CADPS2: variants seen among roughly 807,000 people sequenced by gnomAD.
CADPS2 encodes the protein calcium dependent secretion activator 2.
In CADPS2, 93 loss-of-function variants were observed where a neutral mutation model predicts 172.5. That is an observed-to-expected ratio of 0.54 (90% CI 0.46 to 0.64). CADPS2 has a LOEUF of 0.64. Ranked by LOEUF, CADPS2 falls within the 30% of genes least tolerant of loss-of-function variation. The pLI is 0.00. For missense variants in CADPS2, 1,420 were observed against 1,565.9 expected, an observed-to-expected ratio of 0.91 and a Z score of 1.57; for synonymous variants, 546 against 555.2, an observed-to-expected ratio of 0.98 and a Z score of 0.23.
chr7:122,554,901 CATA>C (rs1452156374), intron 7 of CADPS2, among the ~76,000 whole-genome samples: 2 of 152,078 alleles, frequency 1.3e-5, no homozygotes, highest in Admixed American at 6.6e-5. Flanking sequence ...CACATTATCA[CATA>C]ATGAGTTTTC....
intron 4 of CADPS2, among the ~76,000 whole-genome samples, chr7:122,626,162 G>A (rs1463890927): frequency 6.7e-6 from 1 of 149,704 alleles, no homozygotes; most frequent in African/African-American, 2.5e-5. Context: ...GGACTTTGCA[G>A]GCCATTTTAG....
chr7:122,503,404 T>G (rs1356421310), intron 9 of CADPS2, among the ~76,000 whole-genome samples: 1 of 151,648 alleles, frequency 6.6e-6, no homozygotes, highest in Non-Finnish European at 1.5e-5. Context: ...AACACGTTAC[T>G]GAATGATTTA....
At chr7:122,550,845 T>G (rs1304120015) in intron 8 of CADPS2, among the ~76,000 whole-genome samples, 5 of 152,152 alleles carry the variant, frequency 3.3e-5, no homozygotes, top group African/African-American at 1.2e-4. Context: ...TAGCTGGTAA[T>G]TTGTTCAATA....
chr7:122,544,886 T>C (rs186907391), intron 8 of CADPS2, among the ~76,000 whole-genome samples: 121 of 152,264 alleles, frequency 7.9e-4, no homozygotes, highest in African/African-American at 2.9e-3. Context: ...AACTTTGTAA[T>C]TCACTTATCT....
intron 3 of CADPS2, among the ~76,000 whole-genome samples, chr7:122,646,180 G>A (rs1415040612): frequency 6.6e-6 from 1 of 151,916 alleles, no homozygotes; most frequent in East Asian, 1.9e-4. Flanking sequence ...TATCTCATTT[G>A]AACCTCAGAG....
chr7:122,629,228 T>C lies in CADPS2; in HGVS notation c.867+20A>G, dbSNP rs765528172. 80 of 1,586,476 alleles carry C rather than the reference T, an allele frequency of 5.0e-5. No individual in the cohort carries two copies. Among genetic ancestry groups the C allele is most frequent in the Non-Finnish European group, 6.5e-5 (76 of 1,161,332 alleles). ...GTAAAGAAAGGAATGTCATACAGTA[T>C]GTCCAAGTTAATAATTTACCTTTGC... On this transcript the variant is annotated intron_variant, in intron 4 of 29. Transcript: ENST00000449022.
intron 1 of CADPS2, among the ~76,000 whole-genome samples, chr7:122,853,589 A>G (rs556744268): frequency 2.0e-5 from 3 of 152,278 alleles, no homozygotes; most frequent in South Asian, 4.1e-4. Flanking sequence ...AAATCCCCCT[A>G]TTGAACCACT....
chr7:122,495,668 AAGG>A (rs2130050147), intron 9 of CADPS2, among the ~76,000 whole-genome samples: 1 of 152,224 alleles, frequency 6.6e-6, no homozygotes, highest in Non-Finnish European at 1.5e-5. Flanking sequence ...GTACCACTTC[AAGG>A]AGTGGAACTG....
intron 2 of CADPS2, among the ~76,000 whole-genome samples, chr7:122,731,935 T>C (rs1281662758): frequency 6.6e-6 from 1 of 151,778 alleles, no homozygotes; most frequent in Non-Finnish European, 1.5e-5. Context: ...TTCACAAACA[T>C]ACTTCTTTAT....
intron 8 of CADPS2, among the ~76,000 whole-genome samples, chr7:122,528,608 A>C (rs1179628057): frequency 2.0e-5 from 3 of 152,106 alleles, no homozygotes; most frequent in African/African-American, 7.2e-5. Context: ...GATTTATATA[A>C]TGTTTCTTTT....
At chr7:122,834,447 C>T (rs1031482489) in intron 1 of CADPS2, among the ~76,000 whole-genome samples, 3 of 152,078 alleles carry the variant, frequency 2.0e-5, no homozygotes, top group South Asian at 2.1e-4. Context: ...TGCAGGACAG[C>T]GGGTGCAGCC....
intron 2 of CADPS2, among the ~76,000 whole-genome samples, chr7:122,685,281 G>T (rs1414164608): frequency 2.6e-5 from 4 of 152,186 alleles, no homozygotes; most frequent in East Asian, 3.9e-4. Flanking sequence ...CTACAGGCAG[G>T]AACAACATCT....
intron 5 of CADPS2, among the ~76,000 whole-genome samples, chr7:122,617,541 A>T (rs959853368): frequency 6.6e-6 from 1 of 152,190 alleles, no homozygotes; most frequent in Non-Finnish European, 1.5e-5. Context: ...CTAGAAGTAA[A>T]AAGAAGAGAG....
chr7:122,832,721 T>C (rs1806967154), intron 1 of CADPS2, among the ~76,000 whole-genome samples: 1 of 152,150 alleles, frequency 6.6e-6, no homozygotes. Context: ...ACTGAAGTAA[T>C]TCAAAAATGT....
intron 8 of CADPS2, among the ~76,000 whole-genome samples, chr7:122,546,387 T>C (rs1451830236): frequency 3.9e-5 from 6 of 152,222 alleles, no homozygotes; most frequent in Non-Finnish European, 4.4e-5. Context: ...TATACCCGTA[T>C]GTTAACATCT....
chr7:122,559,072 C>T (rs1302848783), intron 7 of CADPS2, among the ~76,000 whole-genome samples: 4 of 152,122 alleles, frequency 2.6e-5, no homozygotes, highest in Non-Finnish European at 4.4e-5. Flanking sequence ...ACAGCAGACA[C>T]ACAGTTGGTA....
At chr7:122,580,368 T>C (rs934153374) in intron 7 of CADPS2, among the ~76,000 whole-genome samples, 2 of 150,628 alleles carry the variant, frequency 1.3e-5, no homozygotes, top group African/African-American at 4.9e-5. Flanking sequence ...GGCACAAGAA[T>C]CGCTCGAATC....
chr7:122,494,764 G>A (rs534833254), intron 9 of CADPS2, among the ~76,000 whole-genome samples: 1 of 151,922 alleles, frequency 6.6e-6, no homozygotes, highest in South Asian at 2.1e-4. Flanking sequence ...TGATACTTGT[G>A]GTTCTTGCTA....
intron 18 of CADPS2, among the ~76,000 whole-genome samples, chr7:122,414,536 T>C (rs2047666073): frequency 6.6e-6 from 1 of 152,182 alleles, no homozygotes; most frequent in Admixed American, 6.5e-5. Context: ...GTAACATAGC[T>C]GTGTTACCAG....
Sources: gnomAD v4.1 joint callset for allele counts (sites outside exome capture counted in the v4.1 genomes callset) on GRCh38, gnomAD v4.1.1 for gene constraint, MANE v1.5 for transcripts, NCBI Gene and HGNC (gene_info 2026-07-23, HGNC 2026-07-21) for gene names.